SPOCK3: variants seen among roughly 807,000 people sequenced by gnomAD.
SPOCK3 encodes SPARC (osteonectin), cwcv and kazal like domains proteoglycan 3.
A neutral mutation model predicts 56.6 loss-of-function variants in SPOCK3; 30 were observed. The observed-to-expected ratio is 0.53, with a 90% confidence interval of 0.40 to 0.72. The LOEUF is 0.72. Among genes scored for constraint, SPOCK3 ranks in the 30% least tolerant of loss-of-function variants. The pLI, the probability that SPOCK3 is intolerant of heterozygous loss-of-function variation, is 0.00. For missense variants in SPOCK3, 527 were observed against 530.0 expected, an observed-to-expected ratio of 0.99 and a Z score of 0.06; for synonymous variants, 196 against 183.3, an observed-to-expected ratio of 1.07 and a Z score of -0.56.
chr4:166,841,919 T>C (rs1747407215), intron 6 of SPOCK3, among the ~76,000 whole-genome samples: 1 of 152,214 alleles, frequency 6.6e-6, no homozygotes, highest in Non-Finnish European at 1.5e-5. Flanking sequence ...TTAAAGATGG[T>C]GTGTCTGTAG....
At chr4:167,079,908 G>T (rs1378316646) in intron 2 of SPOCK3, among the ~76,000 whole-genome samples, 4 of 151,950 alleles carry the variant, frequency 2.6e-5, no homozygotes, top group African/African-American at 9.7e-5. Flanking sequence ...GTGCCTACCA[G>T]TTTCAGGGTG....
chr4:166,979,947 GT>G (rs1473683486), intron 4 of SPOCK3, among the ~76,000 whole-genome samples: 1 of 152,110 alleles, frequency 6.6e-6, no homozygotes, highest in Non-Finnish European at 1.5e-5. Flanking sequence ...CTTCCCTTCA[GT>G]TCCTCAAACA....
intron 5 of SPOCK3, among the ~76,000 whole-genome samples, chr4:166,889,721 G>A (rs1348928862): frequency 6.6e-6 from 1 of 151,824 alleles, no homozygotes; most frequent in Non-Finnish European, 1.5e-5. Flanking sequence ...GACTTGCACA[G>A]CATCAAATGG....
rs553473589 is a variant in SPOCK3 at position 167,163,005 on chromosome 4, C to T, written c.189+70980G>A. Among the ~76,000 whole-genome samples the T allele has an allele frequency of 1.8e-3, 267 of 151,742 alleles. 2 individuals carry two copies. The highest frequency in any genetic ancestry group is 2.8e-3 in the Non-Finnish European group (188 of 67,900). ...AATACAATATAAATATCAACTTATA[C>T]GTCATCCATGTTTTATGACACATAT... On this transcript the variant is annotated intron_variant, in intron 2 of 10. Transcript: ENST00000357545.
chr4:167,142,317 A>G (rs1269917671), intron 2 of SPOCK3, among the ~76,000 whole-genome samples: 4 of 151,938 alleles, frequency 2.6e-5, no homozygotes, highest in African/African-American at 9.7e-5. Flanking sequence ...CAACCACACT[A>G]AGGCATAATA....
intron 4 of SPOCK3, among the ~76,000 whole-genome samples, chr4:166,914,875 GA>G (rs1204029168): frequency 6.6e-6 from 1 of 152,054 alleles, no homozygotes; most frequent in Non-Finnish European, 1.5e-5. Flanking sequence ...AGTAAAACAA[GA>G]TTAGTTGTTC....
At chr4:166,904,723 G>A (rs1419083890) in intron 5 of SPOCK3, among the ~76,000 whole-genome samples, 3 of 151,726 alleles carry the variant, frequency 2.0e-5, no homozygotes, top group African/African-American at 4.8e-5. Context: ...GAGAAAAATA[G>A]GGAGGATAAA....
At chr4:166,896,933 G>A (rs951298737) in intron 5 of SPOCK3, among the ~76,000 whole-genome samples, 1 of 151,926 alleles carries the variant, frequency 6.6e-6, no homozygotes, top group Non-Finnish European at 1.5e-5. Flanking sequence ...CCAACTGGGG[G>A]GCCCCTCTGA....
intron 4 of SPOCK3, among the ~76,000 whole-genome samples, chr4:166,975,185 C>T (rs1579863242): frequency 6.6e-6 from 1 of 152,234 alleles, no homozygotes; most frequent in East Asian, 1.9e-4. Context: ...GTAAAAAATA[C>T]ATTTCTTTTC....
chr4:166,938,879 T>C (rs964809903), intron 4 of SPOCK3, among the ~76,000 whole-genome samples: 1 of 151,998 alleles, frequency 6.6e-6, no homozygotes, highest in Non-Finnish European at 1.5e-5. Flanking sequence ...TATCAGTGGT[T>C]ATGAATAAGA....
chr4:167,214,771 A>G (rs1420914018), intron 2 of SPOCK3, among the ~76,000 whole-genome samples: 1 of 152,026 alleles, frequency 6.6e-6, no homozygotes, highest in Non-Finnish European at 1.5e-5. Flanking sequence ...TCATTTTTAG[A>G]AAGTTTGAGT....
intron 4 of SPOCK3, among the ~76,000 whole-genome samples, chr4:166,953,505 A>T (rs1211810807): frequency 1.3e-5 from 2 of 151,910 alleles, no homozygotes; most frequent in Admixed American, 6.6e-5. Context: ...AACTAGTTCA[A>T]CCATTGTGGA....
intron 2 of SPOCK3, among the ~76,000 whole-genome samples, chr4:167,066,921 G>A (rs944342399): frequency 6.6e-6 from 1 of 151,872 alleles, no homozygotes; most frequent in Non-Finnish European, 1.5e-5. Flanking sequence ...GGGTCGGAAG[G>A]ATAAGCTTAC....
intron 7 of SPOCK3, among the ~76,000 whole-genome samples, chr4:166,767,150 C>T (rs1738202967): frequency 6.6e-6 from 1 of 152,008 alleles, no homozygotes; most frequent in African/African-American, 2.4e-5. Context: ...CTTCTGGATT[C>T]ATTGATTTTT....
At chr4:167,129,555 C>T (rs1015854311) in intron 2 of SPOCK3, among the ~76,000 whole-genome samples, 2 of 151,968 alleles carry the variant, frequency 1.3e-5, no homozygotes, top group Admixed American at 6.5e-5. Context: ...TAATTTCAGA[C>T]ATTCTGTTTC....
intron 2 of SPOCK3, among the ~76,000 whole-genome samples, chr4:167,131,675 C>T (rs1231514934): frequency 6.6e-6 from 1 of 152,150 alleles, no homozygotes. Context: ...CTAATCCCTT[C>T]ACTTCTCTGT....
intron 2 of SPOCK3, among the ~76,000 whole-genome samples, chr4:167,116,926 T>C (rs966094404): frequency 2.1e-5 from 3 of 145,056 alleles, no homozygotes; most frequent in African/African-American, 7.5e-5. Context: ...TATATATATA[T>C]ATATATACTT....
At chr4:167,068,253 A>G (rs957408328) in intron 2 of SPOCK3, among the ~76,000 whole-genome samples, 1 of 149,658 alleles carries the variant, frequency 6.7e-6, no homozygotes, top group African/African-American at 2.5e-5. Flanking sequence ...AAGCTTTTAG[A>G]AGAAGAAAAG....
chr4:167,105,292 A>C (rs1010973589), intron 2 of SPOCK3, among the ~76,000 whole-genome samples: 2 of 151,942 alleles, frequency 1.3e-5, no homozygotes, highest in African/African-American at 4.8e-5. Flanking sequence ...AAAATTTTAA[A>C]CAGTGGAGGA....
Sources: gnomAD v4.1 joint callset for allele counts (sites outside exome capture counted in the v4.1 genomes callset) on GRCh38, gnomAD v4.1.1 for gene constraint, MANE v1.5 for transcripts, NCBI Gene and HGNC (gene_info 2026-07-23, HGNC 2026-07-21) for gene names.